The following NAV3 variants were observed in gnomAD, a reference collection of about 807,000 sequenced individuals.
NAV3 encodes neuron navigator 3.
A neutral mutation model predicts 244.7 loss-of-function variants in NAV3; 87 were observed. The ratio of observed to expected loss-of-function variants is 0.36; its 90% confidence interval spans 0.30 to 0.42. The LOEUF is 0.42. Ranked by LOEUF, NAV3 falls within the 20% of genes least tolerant of loss-of-function variation. NAV3 has a pLI of 1.00. For synonymous variants in NAV3, 1,126 were observed against 1,042.2 expected, an observed-to-expected ratio of 1.08 and a Z score of -1.55; for missense variants, 2,663 against 2,893.3, an observed-to-expected ratio of 0.92 and a Z score of 1.83.
chr12:77,744,313 G>A (rs1488826042), intron 2 of NAV3, among the ~76,000 whole-genome samples: 2 of 151,954 alleles, frequency 1.3e-5, no homozygotes, highest in Non-Finnish European at 2.9e-5. Context: ...GCAATTCTAT[G>A]AGACAAGGAA....
At chr12:77,827,005 T>C (rs1285159397), upstream of NAV3, among the ~76,000 whole-genome samples, 4 of 152,150 alleles carry the variant, frequency 2.6e-5, no homozygotes, top group African/African-American at 9.7e-5. Context: ...GCAGATCACC[T>C]GAGATCAGGA....
intron 2 of NAV3, among the ~76,000 whole-genome samples, chr12:77,640,276 G>T (rs1872351380): frequency 6.6e-6 from 1 of 152,068 alleles, no homozygotes; most frequent in South Asian, 2.1e-4. Flanking sequence ...TGTGTAAGTT[G>T]TGGTGCAACA....
chr12:78,124,725 AT>A (rs1414333045), intron 16 of NAV3, among the ~76,000 whole-genome samples: 2 of 152,154 alleles, frequency 1.3e-5, no homozygotes, highest in East Asian at 3.9e-4. Flanking sequence ...AAGTGTGGGG[AT>A]TACAGGTGTG....
At chr12:78,144,106 G>A (rs1299517083) in intron 20 of NAV3, among the ~76,000 whole-genome samples, 1 of 152,054 alleles carries the variant, frequency 6.6e-6, no homozygotes, top group Non-Finnish European at 1.5e-5. Context: ...TGCAATAGAT[G>A]TTTTTTGATT....
At chr12:77,866,047 A>C (rs1198944851) in intron 1 of NAV3, among the ~76,000 whole-genome samples, 1 of 152,174 alleles carries the variant, frequency 6.6e-6, no homozygotes, top group Non-Finnish European at 1.5e-5. Context: ...TTAGTTTACC[A>C]AATATACTTT....
chr12:77,767,563 G>A (rs977247801), intron 2 of NAV3, among the ~76,000 whole-genome samples: 1 of 152,204 alleles, frequency 6.6e-6, no homozygotes, highest in African/African-American at 2.4e-5. Context: ...ACTGCATACA[G>A]CCAAGCACAC....
chr12:77,885,594 A>G (rs1033358018), intron 1 of NAV3, among the ~76,000 whole-genome samples: 2 of 152,116 alleles, frequency 1.3e-5, no homozygotes, highest in Non-Finnish European at 2.9e-5. Context: ...TTTTAAGAAA[A>G]TGTTCTGATC....
chr12:77,601,159 G>A (rs1331016200), intron 2 of NAV3, among the ~76,000 whole-genome samples: 2 of 151,950 alleles, frequency 1.3e-5, no homozygotes, highest in Non-Finnish European at 2.9e-5. Context: ...ACCCTCTGAT[G>A]TAGGGATGTA....
At chr12:78,171,893 A>C (rs1958015534) in intron 24 of NAV3, among the ~76,000 whole-genome samples, 1 of 151,608 alleles carries the variant, frequency 6.6e-6, no homozygotes, top group African/African-American at 2.4e-5. Context: ...CCAATTTGTG[A>C]ATGTGTTTCT....
chr12:77,751,812 A>G (rs1380175320), intron 2 of NAV3, among the ~76,000 whole-genome samples: 1 of 152,188 alleles, frequency 6.6e-6, no homozygotes, highest in Non-Finnish European at 1.5e-5. Flanking sequence ...ACATTGTTCA[A>G]TTGAAGTTTT....
At chr12:78,011,327 AT>A (rs1225354656) in intron 8 of NAV3, among the ~76,000 whole-genome samples, 6 of 152,264 alleles carry the variant, frequency 3.9e-5, no homozygotes, top group African/African-American at 1.4e-4. Context: ...AGATACAAAG[AT>A]TTTTTAAAAA....
intron 5 of NAV3, among the ~76,000 whole-genome samples, chr12:77,983,005 GGAT>G (rs1359640367): frequency 6.6e-6 from 1 of 152,118 alleles, no homozygotes; most frequent in Non-Finnish European, 1.5e-5. Flanking sequence ...CTCAATGGAA[GGAT>G]GATCAATGAA....
chr12:77,640,715 T>G (rs1248807686), intron 2 of NAV3, among the ~76,000 whole-genome samples: 1 of 152,142 alleles, frequency 6.6e-6, no homozygotes, highest in African/African-American at 2.4e-5. Context: ...ACATATAAAA[T>G]GTAGCTATGA....
At chr12:78,144,912 C>CAAAAAAAAAAAAAAAAACAA in intron 20 of NAV3, 1 of 66,038 alleles carries the variant, frequency 1.5e-5, no homozygotes, top group Non-Finnish European at 2.5e-5. Flanking sequence ...GATCCTGTCT[C>CAAAAAAAAAAAAAAAAACAA]AAAAAAAAAA....
chr12:78,010,980 A>G (rs1327329871), intron 8 of NAV3: 1 of 152,182 alleles, frequency 6.6e-6, no homozygotes, highest in Non-Finnish European at 1.5e-5. Context: ...CCTATCTAAT[A>G]TAAATTATTC....
chr12:77,962,139 T>A (rs1892081634), intron 3 of NAV3, among the ~76,000 whole-genome samples: 1 of 152,078 alleles, frequency 6.6e-6, no homozygotes, highest in African/African-American at 2.4e-5. Flanking sequence ...CCGGTGGCTT[T>A]GTTCACTCTT....
At chr12:77,814,706 A>G (rs1430294160) in intron 2 of NAV3, among the ~76,000 whole-genome samples, 7 of 152,130 alleles carry the variant, frequency 4.6e-5, no homozygotes, top group Admixed American at 2.6e-4. Context: ...CTCACCTGTG[A>G]TTAAAAACCA....
intron 2 of NAV3, among the ~76,000 whole-genome samples, chr12:77,745,767 A>G (rs556961123): frequency 2.6e-4 from 39 of 152,142 alleles, no homozygotes; most frequent in Middle Eastern, 3.4e-3. Context: ...TTACATGTGT[A>G]TTCTGAATCA....
chr12:77,907,935 T>C (rs1886167456), intron 1 of NAV3, among the ~76,000 whole-genome samples: 1 of 152,116 alleles, frequency 6.6e-6, no homozygotes, highest in South Asian at 2.1e-4. Context: ...TCAACTTTTC[T>C]TTCTCAGAGT....
Sources: gnomAD v4.1 joint callset for allele counts (sites outside exome capture counted in the v4.1 genomes callset) on GRCh38, gnomAD v4.1.1 for gene constraint, MANE v1.5 for transcripts, NCBI Gene and HGNC (gene_info 2026-07-23, HGNC 2026-07-21) for gene names.